The following SAMD13 variants were observed in gnomAD, a reference collection of about 807,000 sequenced individuals.
SAMD13 encodes sterile alpha motif domain-containing protein 13.
SAMD13 carries 9 observed loss-of-function variants against 12.4 expected under a neutral mutation model. That is an observed-to-expected ratio of 0.72 (90% CI 0.44 to 1.26). The LOEUF is 1.26. Ranked by LOEUF, SAMD13 falls within the 50% of genes most tolerant of loss-of-function variation. The pLI, the probability that SAMD13 is intolerant of heterozygous loss-of-function variation, is 0.00. For synonymous variants in SAMD13, 46 were observed against 45.4 expected, an observed-to-expected ratio of 1.01 and a Z score of -0.05; for missense variants, 84 against 119.6, an observed-to-expected ratio of 0.70 and a Z score of 1.39.
intron 2 of SAMD13, among the ~76,000 whole-genome samples, chr1:84,320,168 T>C (rs951035463): frequency 6.6e-6 from 1 of 152,184 alleles, no homozygotes; most frequent in Non-Finnish European, 1.5e-5. Flanking sequence ...AAGGAGAAAT[T>C]AAACTGGTTT....
chr1:84,332,777 G>C (rs1679219249), intron 3 of SAMD13, among the ~76,000 whole-genome samples: 1 of 152,020 alleles, frequency 6.6e-6, no homozygotes, highest in Admixed American at 6.6e-5. Context: ...AATTGCTTTT[G>C]GCGTCTTTAT....
intron 3 of SAMD13, among the ~76,000 whole-genome samples, chr1:84,334,339 A>G (rs971741202): frequency 6.6e-6 from 1 of 152,078 alleles, no homozygotes; most frequent in East Asian, 1.9e-4. Context: ...TTGTATGCAT[A>G]CAGGTGTTTG....
intron 2 of SAMD13, among the ~76,000 whole-genome samples, chr1:84,322,502 G>A (rs1014639006): frequency 6.6e-6 from 1 of 152,160 alleles, no homozygotes; most frequent in Non-Finnish European, 1.5e-5. Flanking sequence ...GTGCTCTCTG[G>A]TTGTTAGTCC....
At chr1:84,323,697 C>T (rs1343187674) in intron 2 of SAMD13, among the ~76,000 whole-genome samples, 1 of 152,122 alleles carries the variant, frequency 6.6e-6, no homozygotes, top group African/African-American at 2.4e-5. Flanking sequence ...ACTCTTAGAC[C>T]TTTAAAGACC....
At chr1:84,312,690 G>A (rs552485877) in intron 2 of SAMD13, among the ~76,000 whole-genome samples, 1 of 152,224 alleles carries the variant, frequency 6.6e-6, no homozygotes, top group East Asian at 1.9e-4. Context: ...GGATGGAACA[G>A]TTCAAGTAAA....
At chr1:84,327,650 A>G (rs1679086741) in intron 3 of SAMD13, among the ~76,000 whole-genome samples, 2 of 148,692 alleles carry the variant, frequency 1.3e-5, no homozygotes, top group African/African-American at 4.8e-5. Context: ...ACAGTGGTAT[A>G]AAAACAGAAG....
At chr1:84,299,343 G>T (rs1260095104), upstream of SAMD13, among the ~76,000 whole-genome samples, 1 of 152,132 alleles carries the variant, frequency 6.6e-6, no homozygotes. Flanking sequence ...CAAGTGGGTC[G>T]ACAGTTCTGC....
chr1:84,306,846 A>AATT (rs1678589984), intron 2 of SAMD13, among the ~76,000 whole-genome samples: 1 of 148,714 alleles, frequency 6.7e-6, no homozygotes, highest in South Asian at 2.1e-4. Flanking sequence ...TAATAATAAT[A>AATT]ATAATAATAA....
At chr1:84,346,967 C>T (rs534272550) in intron 3 of SAMD13, among the ~76,000 whole-genome samples, 4 of 152,294 alleles carry the variant, frequency 2.6e-5, no homozygotes, top group African/African-American at 9.6e-5. Context: ...CTATCCATTT[C>T]CACTTAGTAG....
At position 84,315,906 on chromosome 1, in the gene SAMD13, C is replaced by A. The variant is rs114752895; in HGVS notation, c.54-9731C>A. On this transcript the variant is annotated intron_variant, in intron 2 of 3. Coordinates refer to ENST00000394834, the MANE Select transcript of SAMD13 (RefSeq NM_001134663.2). The stretch of plus-strand genomic sequence containing the variant: ...GTCATTGTTGTTTTGGTAATAGTAT[C>A]CTAAGAGGTATGAGATGATATCTCA... Among the ~76,000 whole-genome samples, 528 of 152,146 alleles carry A rather than the reference C, an allele frequency of 3.5e-3. 5 individuals are homozygous for A. The highest frequency in any genetic ancestry group is 0.011 in the African/African-American group (476 of 41,544).
At chr1:84,305,798 G>C (rs915433707) in intron 2 of SAMD13, among the ~76,000 whole-genome samples, 2 of 152,080 alleles carry the variant, frequency 1.3e-5, no homozygotes, top group African/African-American at 4.8e-5. Flanking sequence ...AAAAATAATT[G>C]ATCACATATG....
At chr1:84,314,814 G>C (rs1025739466) in intron 2 of SAMD13, among the ~76,000 whole-genome samples, 1 of 152,116 alleles carries the variant, frequency 6.6e-6, no homozygotes, top group Non-Finnish European at 1.5e-5. Flanking sequence ...AAAATGAAAA[G>C]AAAGAAACAA....
At chr1:84,317,490 A>T (rs1678860209) in intron 2 of SAMD13, among the ~76,000 whole-genome samples, 2 of 151,976 alleles carry the variant, frequency 1.3e-5, no homozygotes, top group Admixed American at 6.6e-5. Flanking sequence ...CATTCTGTAA[A>T]TGTGATATGT....
At chr1:84,300,004 G>C (rs1301184475), upstream of SAMD13, among the ~76,000 whole-genome samples, 1 of 152,180 alleles carries the variant, frequency 6.6e-6, no homozygotes, top group African/African-American at 2.4e-5. Flanking sequence ...CCCGTCAAGA[G>C]TGGAGAGCTG....
chr1:84,346,504 C>T (rs1679538143), intron 3 of SAMD13, among the ~76,000 whole-genome samples: 1 of 152,146 alleles, frequency 6.6e-6, no homozygotes, highest in Non-Finnish European at 1.5e-5. Context: ...TTGTTTTGGA[C>T]TTCATCATGA....
intron 2 of SAMD13, among the ~76,000 whole-genome samples, chr1:84,305,123 A>G (rs1257448714): frequency 1.3e-5 from 2 of 152,074 alleles, no homozygotes; most frequent in Non-Finnish European, 2.9e-5. Flanking sequence ...TGGTTGTCCC[A>G]TTTTCATTTT....
At chr1:84,321,925 G>A (rs920007755) in intron 2 of SAMD13, among the ~76,000 whole-genome samples, 3 of 152,152 alleles carry the variant, frequency 2.0e-5, no homozygotes, top group Non-Finnish European at 4.4e-5. Context: ...GCATTAACAC[G>A]AGCAACCTAG....
At chr1:84,304,987 G>A (rs909523005) in intron 2 of SAMD13, among the ~76,000 whole-genome samples, 1 of 152,008 alleles carries the variant, frequency 6.6e-6, no homozygotes, top group Non-Finnish European at 1.5e-5. Flanking sequence ...GATCATTTGC[G>A]TGCAGGTCTC....
chr1:84,342,616 C>G (rs1679452860), intron 3 of SAMD13, among the ~76,000 whole-genome samples: 1 of 152,178 alleles, frequency 6.6e-6, no homozygotes, highest in South Asian at 2.1e-4. Flanking sequence ...AAAAGATTCT[C>G]TATTTAATAA....
Sources: gnomAD v4.1 joint callset for allele counts (sites outside exome capture counted in the v4.1 genomes callset) on GRCh38, gnomAD v4.1.1 for gene constraint, MANE v1.5 for transcripts, NCBI Gene and HGNC (gene_info 2026-07-23, HGNC 2026-07-21) for gene names.